Variants in PSD3 observed in about 807,000 individuals in gnomAD.
PSD3 encodes the protein PH and SEC7 domain-containing protein 3.
A neutral mutation model predicts 105.5 loss-of-function variants in PSD3; 49 were observed. That is an observed-to-expected ratio of 0.46 (90% CI 0.37 to 0.59). The LOEUF (loss-of-function observed/expected upper bound fraction) is 0.59. Ranked by LOEUF, PSD3 falls within the 20% of genes least tolerant of loss-of-function variation. The pLI, the probability that PSD3 is intolerant of heterozygous loss-of-function variation, is 0.00. For synonymous variants in PSD3, 557 were observed against 457.8 expected (o/e 1.22, Z -2.77); for missense variants, 1,561 against 1,263.8 (o/e 1.24, Z -3.57).
chr8:18,637,174 G>C (rs1397961049), intron 10 of PSD3, among the ~76,000 whole-genome samples: 3 of 152,212 alleles, frequency 2.0e-5, no homozygotes, highest in Non-Finnish European at 2.9e-5. Context: ...CTAGAGTACA[G>C]TGTTTGTGTA....
chr8:18,959,607 C>T (rs1823789347), intron 1 of PSD3, among the ~76,000 whole-genome samples: 1 of 152,120 alleles, frequency 6.6e-6, no homozygotes, highest in Non-Finnish European at 1.5e-5. Context: ...CCCACCTTGC[C>T]TTTCTGCCCA....
chr8:18,738,823 G>GAAA (rs527706318), intron 9 of PSD3, among the ~76,000 whole-genome samples: 5 of 148,632 alleles, frequency 3.4e-5, no homozygotes, highest in Admixed American at 3.4e-4. Flanking sequence ...CACCCGCTCC[G>GAAA]AAAAAAAAAA....
chr8:18,584,756 A>C (rs1283688466), intron 12 of PSD3, among the ~76,000 whole-genome samples: 1 of 152,200 alleles, frequency 6.6e-6, no homozygotes, highest in Non-Finnish European at 1.5e-5. Context: ...GCTTTCTTTA[A>C]TACGGGAATA....
intron 14 of PSD3, among the ~76,000 whole-genome samples, chr8:18,560,809 T>C (rs552442227): frequency 4.6e-5 from 7 of 152,220 alleles, no homozygotes; most frequent in Non-Finnish European, 4.4e-5. Context: ...GGTTTCATTG[T>C]ATCCCCTTCA....
At chr8:18,954,155 T>C (rs1369471298) in intron 1 of PSD3, among the ~76,000 whole-genome samples, 3 of 152,032 alleles carry the variant, frequency 2.0e-5, no homozygotes, top group East Asian at 1.9e-4. Flanking sequence ...AGTCGAACCA[T>C]CTTAAGGACC....
At chr8:18,882,055 A>C (rs1418176416) in intron 2 of PSD3, among the ~76,000 whole-genome samples, 1 of 152,046 alleles carries the variant, frequency 6.6e-6, no homozygotes, top group Non-Finnish European at 1.5e-5. Flanking sequence ...AAAAATTTAA[A>C]AACTTAGCCA....
intron 1 of PSD3, among the ~76,000 whole-genome samples, chr8:19,072,995 C>A (rs1238190878): frequency 6.6e-6 from 1 of 152,016 alleles, no homozygotes; most frequent in African/African-American, 2.4e-5. Context: ...TCTTGCTGGT[C>A]CAGTAGTACG....
intron 1 of PSD3, among the ~76,000 whole-genome samples, chr8:18,977,888 A>G (rs898844145): frequency 4.6e-5 from 7 of 152,324 alleles, no homozygotes; most frequent in African/African-American, 1.4e-4. Context: ...TTTATTTCCA[A>G]GCATAGAAGT....
intron 8 of PSD3, among the ~76,000 whole-genome samples, chr8:18,788,969 C>G (rs572859914): frequency 6.6e-6 from 1 of 152,118 alleles, no homozygotes; most frequent in East Asian, 1.9e-4. Context: ...ACCAGGACTA[C>G]AGTGGATATT....
At chr8:18,808,492 T>C (rs1272861351) in intron 4 of PSD3, among the ~76,000 whole-genome samples, 2 of 152,222 alleles carry the variant, frequency 1.3e-5, no homozygotes, top group African/African-American at 4.8e-5. Context: ...CCTTTTCTAC[T>C]ATGCTGCCCA....
intron 1 of PSD3, among the ~76,000 whole-genome samples, chr8:19,072,683 T>G (rs559808328): frequency 8.9e-4 from 136 of 152,318 alleles, no homozygotes; most frequent in African/African-American, 2.9e-3. Context: ...CCTGAAAGCA[T>G]GCAGCCTAGG....
intron 9 of PSD3, among the ~76,000 whole-genome samples, chr8:18,760,035 G>T (rs182797237): frequency 5.9e-4 from 89 of 151,344 alleles, no homozygotes; most frequent in African/African-American, 2.1e-3. Context: ...AAGAAACTCA[G>T]TAGAAATAAA....
chr8:19,065,463 G>T (rs943081601), intron 1 of PSD3, among the ~76,000 whole-genome samples: 7 of 152,160 alleles, frequency 4.6e-5, no homozygotes, highest in African/African-American at 1.4e-4. Context: ...CTCGTCACAA[G>T]ACACCAGTTT....
intron 8 of PSD3, among the ~76,000 whole-genome samples, chr8:18,787,853 T>C (rs1809327247): frequency 6.6e-6 from 1 of 152,224 alleles, no homozygotes; most frequent in Non-Finnish European, 1.5e-5. Context: ...AGTAAAGAAT[T>C]TGGGGAAACA....
chr8:18,931,867 C>A (rs1490221474), intron 2 of PSD3, among the ~76,000 whole-genome samples: 1 of 152,138 alleles, frequency 6.6e-6, no homozygotes, highest in Admixed American at 6.5e-5. Flanking sequence ...ACTTTTACGT[C>A]TTTCCAATCT....
intron 9 of PSD3, among the ~76,000 whole-genome samples, chr8:18,690,862 C>A (rs1469992287): frequency 1.3e-5 from 2 of 152,192 alleles, no homozygotes; most frequent in African/African-American, 4.8e-5. Flanking sequence ...TAAGGCTTGC[C>A]TTCACCCATC....
At chr8:19,018,141 T>C (rs1485071367), upstream of PSD3, among the ~76,000 whole-genome samples, 1 of 152,194 alleles carries the variant, frequency 6.6e-6, no homozygotes, top group African/African-American at 2.4e-5. Context: ...TTCTATGGGT[T>C]GAATAGATAG....
intron 1 of PSD3, among the ~76,000 whole-genome samples, chr8:19,079,978 C>T (rs997866272): frequency 6.6e-6 from 1 of 151,470 alleles, no homozygotes; most frequent in Non-Finnish European, 1.5e-5. Flanking sequence ...CAACCTCCAC[C>T]TTCTGGGTTC....
intron 9 of PSD3, among the ~76,000 whole-genome samples, chr8:18,693,195 T>C (rs1801066846): frequency 6.6e-6 from 1 of 152,210 alleles, no homozygotes; most frequent in African/African-American, 2.4e-5. Context: ...GTAGGGATTC[T>C]ATGAATCAGA....
Sources: gnomAD v4.1 joint callset for allele counts (sites outside exome capture counted in the v4.1 genomes callset) on GRCh38, gnomAD v4.1.1 for gene constraint, MANE v1.5 for transcripts, NCBI Gene and HGNC (gene_info 2026-07-23, HGNC 2026-07-21) for gene names.